NCOA6: variants seen among roughly 807,000 people sequenced by gnomAD.
The protein encoded by NCOA6 is nuclear receptor coactivator 6.
NCOA6 carries 49 observed loss-of-function variants against 171.4 expected under a neutral mutation model. The ratio of observed to expected loss-of-function variants is 0.29; its 90% CI spans 0.23 to 0.36. The LOEUF (loss-of-function observed/expected upper bound fraction) is 0.36, where lower values mean the gene tolerates loss of function less well. NCOA6 is among the 10% of genes least tolerant of loss of function. The probability of loss-of-function intolerance (pLI) is 1.00; values close to 1 mark genes in which losing one functional copy is unlikely to be tolerated. For missense variants in NCOA6, 2,248 were observed against 2,554.5 expected (o/e 0.88, Z 2.59); for synonymous variants, 910 against 927.5 (o/e 0.98, Z 0.34).
chr20:34,815,835 A>G (rs751063634), intron 1 of NCOA6, among the ~76,000 whole-genome samples: 4 of 152,174 alleles, frequency 2.6e-5, no homozygotes, highest in Non-Finnish European at 5.9e-5. Flanking sequence ...GTTGTCATTG[A>G]CCATCTGTTT....
At chr20:34,755,608 C>G (rs2076619461) in intron 7 of NCOA6, among the ~76,000 whole-genome samples, 2 of 152,190 alleles carry the variant, frequency 1.3e-5, no homozygotes, top group Non-Finnish European at 2.9e-5. Context: ...TCTCAGAACC[C>G]ACTTATCATT....
intron 5 of NCOA6, among the ~76,000 whole-genome samples, chr20:34,761,058 G>A (rs1248431461): frequency 6.6e-6 from 1 of 151,944 alleles, no homozygotes; most frequent in African/African-American, 2.4e-5. Flanking sequence ...CCTGTCTCTA[G>A]TAAAAATACA....
chr20:34,798,691 A>G (rs1347370256), intron 1 of NCOA6, among the ~76,000 whole-genome samples: 1 of 152,192 alleles, frequency 6.6e-6, no homozygotes, highest in Non-Finnish European at 1.5e-5. Flanking sequence ...CTGGTAATCC[A>G]GAGAATTATT....
At chr20:34,776,125 A>G (rs2077313123) in intron 4 of NCOA6, among the ~76,000 whole-genome samples, 168 bp downstream of exon 4, 1 of 152,258 alleles carries the variant, frequency 6.6e-6, no homozygotes. Context: ...AACCTCAGTC[A>G]GTCCCTCTTC....
At chr20:34,716,934 C>T (rs1343382665) in intron 14 of NCOA6, among the ~76,000 whole-genome samples, 1 of 151,946 alleles carries the variant, frequency 6.6e-6, no homozygotes, top group Non-Finnish European at 1.5e-5. Context: ...TACTTCTCAT[C>T]AAGGAGAAAA....
At chr20:34,804,654 T>G (rs2078382560) in intron 1 of NCOA6, among the ~76,000 whole-genome samples, 1 of 152,084 alleles carries the variant, frequency 6.6e-6, no homozygotes, top group Admixed American at 6.6e-5. Flanking sequence ...ATTTATATTT[T>G]AAATATAAAA....
At chr20:34,778,881 C>T (rs1168142401) in intron 3 of NCOA6, among the ~76,000 whole-genome samples, 1 of 148,516 alleles carries the variant, frequency 6.7e-6, no homozygotes, top group Admixed American at 6.9e-5. Flanking sequence ...ATGGCGTGAA[C>T]CCGGGAGACG....
chr20:34,774,311 C>T (rs7270386), intron 4 of NCOA6, among the ~76,000 whole-genome samples: 4,693 of 152,262 alleles, frequency 0.031, 242 homozygotes, highest in African/African-American at 0.11. Flanking sequence ...TCCACTTTTC[C>T]TAATAGTTCA....
At chr20:34,715,591 C>T (rs1362950570) in intron 14 of NCOA6, among the ~76,000 whole-genome samples, 1 of 152,206 alleles carries the variant, frequency 6.6e-6, no homozygotes, top group East Asian at 1.9e-4. Flanking sequence ...GAGGTGGTGG[C>T]GATGAAGCAC....
chr20:34,805,435 C>T (rs960962286), intron 1 of NCOA6, among the ~76,000 whole-genome samples: 4 of 152,146 alleles, frequency 2.6e-5, no homozygotes, highest in Non-Finnish European at 5.9e-5. Flanking sequence ...GCTTATTTCA[C>T]TTAACATAAT....
At chr20:34,777,689 C>T (rs770830524) in intron 3 of NCOA6, among the ~76,000 whole-genome samples, 3 of 151,508 alleles carry the variant, frequency 2.0e-5, no homozygotes, top group South Asian at 2.1e-4. Flanking sequence ...CTGCGGAAAA[C>T]GACAGTTTCT....
intron 4 of NCOA6, among the ~76,000 whole-genome samples, chr20:34,775,322 G>A (rs1306881016): frequency 5.3e-5 from 8 of 152,012 alleles, no homozygotes; most frequent in African/African-American, 1.9e-4. Context: ...GTGTGTGTGT[G>A]TGTGTGTCTG....
chr20:34,766,004 T>C (rs1031844224), intron 5 of NCOA6, among the ~76,000 whole-genome samples: 5 of 152,174 alleles, frequency 3.3e-5, no homozygotes, highest in African/African-American at 1.2e-4. Context: ...AAGTTACTTA[T>C]TATTGTTTTA....
At chr20:34,807,091 A>G (rs898923191) in intron 1 of NCOA6, among the ~76,000 whole-genome samples, 1 of 152,180 alleles carries the variant, frequency 6.6e-6, no homozygotes, top group African/African-American at 2.4e-5. Context: ...CCACTCCATG[A>G]TTATAAAAAA....
Position 34,754,733 on chromosome 20 carries a change from A to G in NCOA6, c.1664T>C (p.Val555Ala). ...GAPQLQANQN[V>A]QHAGGQGAGP... ...CACAGAAAACAAACCTGCATGCTGG[A>G]CATTTTGATTTGCTTGCAGCTGAGG... Residue 555 changes from valine to alanine, a missense_variant, in exon 8 of 15, where the codon GTC becomes GCC. Physicochemically the swap from Val to Ala is moderately conservative, Grantham distance 64. Around this residue, in one of 7 missense-constraint regions of NCOA6, gnomAD observed 987 missense variants for 1,104.7 expected, o/e 0.89. Coordinates refer to ENST00000359003, the MANE Select transcript of NCOA6 (RefSeq NM_014071.5). The G allele has an allele frequency of 1.2e-6, 2 of 1,614,196 alleles. No homozygotes were observed. Among genetic ancestry groups the G allele is most frequent in the Non-Finnish European group, 1.7e-6 (2 of 1,180,030 alleles).
chr20:34,819,975 G>A (rs995642829), intron 1 of NCOA6: 3 of 152,124 alleles, frequency 2.0e-5, no homozygotes, highest in African/African-American at 7.2e-5. Context: ...AAATGATGCT[G>A]GGATCACTGG....
rs1490174787 is a variant in NCOA6, at chr20:34,784,441, G to A, written c.-49-2037C>T. Among the ~76,000 whole-genome samples the A allele has an allele frequency of 3.3e-5, 5 of 152,062 alleles. No homozygotes were observed. The East Asian group carries it at 9.7e-4, about 29-fold the overall frequency. On this transcript the variant is annotated intron_variant, in intron 2 of 14. Transcript: ENST00000359003. ...GGATCTTGCCATATTGCCCAGGCTG[G>A]TCTCAAACTCTTAGGCTCAGGTGAT... is the stretch of plus-strand genomic sequence containing the variant.
intron 9 of NCOA6, among the ~76,000 whole-genome samples, chr20:34,747,529 G>GA (rs1348667050): frequency 6.6e-6 from 1 of 152,034 alleles, no homozygotes; most frequent in African/African-American, 2.4e-5. Flanking sequence ...TAGTAAGGAA[G>GA]AAAAAAATGA....
Position 34,715,378 on chromosome 20 carries a change from G to T in NCOA6, c.6149-13C>A. The T allele has an allele frequency of 6.3e-7, 1 of 1,597,414 alleles. No homozygotes were observed. The highest frequency in any genetic ancestry group is 8.6e-7 in the Non-Finnish European group (1 of 1,164,798). ...GCACTGGTTATGTCTGTGGGGGAAAGAAAGGACATGTTCAGTGGAAGTAAC... is the reference window on the plus strand; with the variant it reads ...GCACTGGTTATGTCTGTGGGGGAAATAAAGGACATGTTCAGTGGAAGTAAC... On this transcript the variant is annotated splice_polypyrimidine_tract_variant and intron_variant, in intron 14 of 14. Transcript: ENST00000359003.
Sources: allele counts gnomAD v4.1 joint callset (sites outside exome capture counted in the v4.1 genomes callset), GRCh38; gene constraint gnomAD v4.1.1; regional missense constraint gnomAD v4.1.1; transcripts MANE v1.5; gene names NCBI Gene and HGNC (gene_info 2026-07-23, HGNC 2026-07-21).